CACNA1H: variants seen among roughly 807,000 people sequenced by gnomAD.
CACNA1H encodes the protein calcium voltage-gated channel subunit alpha1 H, also known as voltage-dependent T-type calcium channel subunit alpha-1H.
Under a neutral mutation model 192.5 loss-of-function variants are expected in CACNA1H, and 149 were observed. The observed-to-expected ratio is 0.77, with a 90% CI of 0.68 to 0.89. The LOEUF is 0.89. Among genes scored for constraint, CACNA1H ranks in the 40% least tolerant of loss-of-function variants. CACNA1H has a pLI of 0.00. For synonymous variants in CACNA1H, 2,202 were observed against 1,475.2 expected, an observed-to-expected ratio of 1.49 and a Z score of -11.29; for missense variants, 4,257 against 3,423.5, an observed-to-expected ratio of 1.24 and a Z score of -6.08.
intron 8 of CACNA1H, among the ~76,000 whole-genome samples, chr16:1,201,339 G>C (rs908816551): frequency 3.3e-5 from 5 of 152,172 alleles, no homozygotes; most frequent in African/African-American, 1.2e-4. Context: ...CACCTGGGGT[G>C]CTGGGGAGGG....
chr16:1,181,945 C>A (rs978859763), intron 2 of CACNA1H, among the ~76,000 whole-genome samples: 2 of 149,716 alleles, frequency 1.3e-5, no homozygotes, highest in African/African-American at 5.0e-5. Context: ...TGCACACACG[C>A]CCCCTCGCAC....
chr16:1,160,418 C>G (rs1195195942), intron 2 of CACNA1H, among the ~76,000 whole-genome samples: 7 of 152,136 alleles, frequency 4.6e-5, no homozygotes, highest in Non-Finnish European at 7.3e-5. Flanking sequence ...GATGGACGGC[C>G]GCCTCGGTCA....
Position 1,219,016 on chromosome 16 carries a change from C to G in CACNA1H, c.5934C>G (p.Ser1978=). The change falls in exon 34 of 35, where the codon TCC becomes TCG. Residue 1978 remains serine (S), a synonymous_variant. Transcript: ENST00000348261. ...VHSPPAESCA[S]LQIPLAVSSP... is the part of the protein sequence containing the mutation. ...CTCCGCCCGCAGAGTCCTGTGCCTC[C>G]CTCCAGATCCCATTGGCTGTGTCGT... 6.5e-7 allele frequency: 1 copy of G among 1,550,258 alleles called. No homozygotes were observed. The highest frequency in any genetic ancestry group is 8.7e-7 in the Non-Finnish European group (1 of 1,146,880).
rs1596382402 is a variant in CACNA1H at position 1,195,423 on chromosome 16, C to T, written c.412-9C>T. ...GTTCCACGGGCCCTCCTGATGCCTC[C>T]TCCCGCAGGCCTTTGACGCCTTCAT... On this transcript the variant is annotated splice_polypyrimidine_tract_variant and intron_variant, in intron 3 of 34. Coordinates refer to ENST00000348261, the MANE Select transcript of CACNA1H (RefSeq NM_021098.3). 13 of 1,551,254 alleles carry T rather than the reference C, an allele frequency of 8.4e-6. No homozygotes were observed. Among genetic ancestry groups the T allele is most frequent in the Admixed American group, 7.8e-5 (4 of 50,990 alleles).
Position 1,220,685 on chromosome 16 carries a change from G to T in CACNA1H, c.6753G>T (p.Trp2251Cys). ...ACCCTGCAGCCAAGGGGGAGCGCTG[G>T]GGCCAGGCCTCCTGCCGGGCTGAGC... ...GGDPAAKGER[W>C]GQASCRAEHL... The change falls in exon 35 of 35, where the codon TGG (tryptophan) becomes TGT (cysteine). Residue 2251 changes from tryptophan to cysteine, a missense_variant. Trp to Cys is a radical substitution (Grantham distance 215, BLOSUM62 -2). Transcript: ENST00000348261. The T allele has an allele frequency of 6.2e-7, 1 of 1,610,526 alleles. No homozygotes were observed. Among genetic ancestry groups the T allele is most frequent in the Non-Finnish European group, 8.5e-7 (1 of 1,178,942 alleles).
intron 34 of CACNA1H, 89 bp downstream of exon 34, chr16:1,219,219 A>G: frequency 7.8e-7 from 1 of 1,289,678 alleles, no homozygotes. Context: ...CCAGCAGACG[A>G]GGACAAGGCA....
chr16:1,211,143 C>G, intron 21 of CACNA1H, 25 bp from the exon 22 acceptor site: 1 of 1,610,256 alleles, frequency 6.2e-7, no homozygotes, highest in African/African-American at 1.3e-5. Context: ...TAGATGACTG[C>G]AGTGTATCCT....
chr16:1,212,174 C>T (rs1035751099), intron 25 of CACNA1H, 36 bp downstream of exon 25: 9 of 1,578,446 alleles, frequency 5.7e-6, no homozygotes, highest in South Asian at 1.1e-5. Flanking sequence ...GGTGGCGGGT[C>T]GGTACCTGTG....
chr16:1,158,221 C>T (rs569879055), intron 2 of CACNA1H, among the ~76,000 whole-genome samples: 7 of 152,284 alleles, frequency 4.6e-5, no homozygotes, highest in Non-Finnish European at 8.8e-5. Context: ...GCTGATCCTG[C>T]AAGGAAGCAG....
intron 2 of CACNA1H, chr16:1,160,242 C>T (rs1963012812): frequency 6.6e-6 from 1 of 152,282 alleles, no homozygotes. Context: ...CATTCCCCTC[C>T]CTGGCACGGA....
chr16:1,185,604 G>C lies in CACNA1H; in HGVS notation c.300-9368G>C, dbSNP rs61031374. On this transcript the variant is annotated intron_variant, in intron 2 of 34. Transcript: ENST00000348261. Reference sequence around the variant, plus strand: ...GCGGGTGAGTAGACGGTCAGCGTGCGTAGGGGCCGGAGGCGGGGTACGTGG... The same window carrying C: ...GCGGGTGAGTAGACGGTCAGCGTGCCTAGGGGCCGGAGGCGGGGTACGTGG... Among the ~76,000 whole-genome samples, 45 of 39,004 alleles carry C rather than the reference G, an allele frequency of 1.2e-3. 2 individuals carry two copies. The highest frequency in any genetic ancestry group is 1.7e-3 in the Non-Finnish European group (38 of 22,202). 25.6% of individuals were successfully genotyped at this position (39,004 alleles called of 152,430 possible). A position where few individuals can be genotyped will look rare whatever the true frequency, so the allele number is the denominator to read the frequency against.
chr16:1,196,078 C>T, intron 5 of CACNA1H, 55 bp downstream of exon 5: 1 of 1,394,344 alleles, frequency 7.2e-7, no homozygotes, highest in Non-Finnish European at 1.0e-6. Context: ...TGTCCGCCAG[C>T]CCTGCAGAGC....
chr16:1,167,834 G>A lies in CACNA1H; in HGVS notation c.299+13798G>A, dbSNP rs1399566242. Among the ~76,000 whole-genome samples the A allele has an allele frequency of 6.6e-6, 1 of 152,222 alleles. No homozygotes were observed. The highest frequency in any genetic ancestry group is 1.5e-5 in the Non-Finnish European group (1 of 68,040). ...GCTTAGAAAGTGCACCTGCGAGGTTGGGGCGTGGCCTGGCCGTCCGTCCGC... is the reference window on the plus strand; with the variant it reads ...GCTTAGAAAGTGCACCTGCGAGGTTAGGGCGTGGCCTGGCCGTCCGTCCGC... On this transcript the variant is annotated intron_variant, in intron 2 of 34. Transcript: ENST00000348261. This position sits in a 1 kb window ranked among gnomAD's most constrained non-coding sequence, Gnocchi z 4.2.
At position 1,195,974 on chromosome 16, in the gene CACNA1H, C is replaced by G. The variant is rs1966917193; in HGVS notation, c.594C>G (p.Ile198Met). Residue 198 changes from isoleucine (I) to methionine (M), a missense_variant, in exon 5 of 35, where the codon ATC (isoleucine) becomes ATG (methionine). Transcript: ENST00000348261. ...LDGHNVSLSA[I>M]RTVRVLRPLR... ...GACACAACGTGAGCCTCTCGGCTATCAGGACCGTGCGGGTGCTGCGGCCCC... is the reference window on the plus strand; with the variant it reads ...GACACAACGTGAGCCTCTCGGCTATGAGGACCGTGCGGGTGCTGCGGCCCC... The G allele has an allele frequency of 6.2e-7, 1 of 1,613,008 alleles. No individual in the cohort carries two copies. Among genetic ancestry groups the G allele is most frequent in the Non-Finnish European group, 8.5e-7 (1 of 1,179,854 alleles).
intron 2 of CACNA1H, among the ~76,000 whole-genome samples, chr16:1,168,637 C>T (rs993490142): frequency 2.6e-5 from 4 of 152,098 alleles, no homozygotes; most frequent in East Asian, 3.9e-4. Flanking sequence ...CCGAGCCCCT[C>T]ATGCATCGTG....
At chr16:1,190,987 A>G in intron 2 of CACNA1H, among the ~76,000 whole-genome samples, 1 of 144,128 alleles carries the variant, frequency 6.9e-6, no homozygotes, top group Non-Finnish European at 1.5e-5. Context: ...GGTTTCGGTG[A>G]CCCAGCAGGC....
chr16:1,185,596 C>T (rs1247555137), intron 2 of CACNA1H, among the ~76,000 whole-genome samples: 15 of 31,598 alleles, frequency 4.7e-4, no homozygotes, highest in South Asian at 7.7e-4. Context: ...AGTAGACGGT[C>T]AGCGTGCGTA....
chr16:1,210,914 C>G lies in CACNA1H; in HGVS notation c.4166C>G (p.Ala1389Gly). The G allele has an allele frequency of 6.2e-7, 1 of 1,603,462 alleles. No homozygotes were observed. Among genetic ancestry groups the G allele is most frequent in the Non-Finnish European group, 8.5e-7 (1 of 1,179,696 alleles). The change falls in exon 21 of 35, where the codon GCC (alanine) becomes GGC (glycine). Residue 1389 changes from alanine (A) to glycine (G), a missense_variant. Physicochemically the swap from Ala to Gly is moderately conservative, Grantham distance 60. Transcript: ENST00000348261. Reference protein sequence around the residue: ...IVVAMASAGGAKILGVLRVLR... With the variant: ...IVVAMASAGGGKILGVLRVLR... The stretch of plus-strand genomic sequence containing the variant: ...GTGGCCATGGCCTCGGCTGGTGGCG[C>G]CAAGATCCTGGGTGTTCTGCGCGTG...
chr16:1,215,855 G>T (rs1217237967), intron 30 of CACNA1H, among the ~76,000 whole-genome samples: 2 of 152,146 alleles, frequency 1.3e-5, no homozygotes, highest in African/African-American at 4.8e-5. Flanking sequence ...GGCGGGGGCC[G>T]TGGAGAGCCA....
Sources: allele counts gnomAD v4.1 joint callset (sites outside exome capture counted in the v4.1 genomes callset), GRCh38; gene constraint gnomAD v4.1.1; non-coding constraint Gnocchi (gnomAD v3.1); transcripts MANE v1.5; gene names NCBI Gene and HGNC (gene_info 2026-07-23, HGNC 2026-07-21).